CYP7B1: variants seen among roughly 807,000 people sequenced by gnomAD.
CYP7B1 encodes the protein cytochrome P450 7B1.
CYP7B1 carries 29 observed loss-of-function variants against 42.7 expected under a neutral mutation model. The observed-to-expected ratio is 0.68, with a 90% CI of 0.51 to 0.93. The LOEUF (loss-of-function observed/expected upper bound fraction) is 0.93, where lower values mean the gene tolerates loss of function less well. Ranked by LOEUF, CYP7B1 falls within the 40% of genes least tolerant of loss-of-function variation. The pLI, the probability that CYP7B1 is intolerant of heterozygous loss-of-function variation, is 0.00. For synonymous variants in CYP7B1, 235 were observed against 218.2 expected, an observed-to-expected ratio of 1.08 and a Z score of -0.68; for missense variants, 655 against 600.5, an observed-to-expected ratio of 1.09 and a Z score of -0.95.
chr8:64,698,893 A>C (rs1806872150), intron 1 of CYP7B1, among the ~76,000 whole-genome samples: 1 of 152,204 alleles, frequency 6.6e-6, no homozygotes, highest in Non-Finnish European at 1.5e-5. Context: ...ACTCATTAGA[A>C]ATTTAAAGGA....
At chr8:64,699,519 G>A (rs779734190) in intron 1 of CYP7B1, among the ~76,000 whole-genome samples, 1 of 152,144 alleles carries the variant, frequency 6.6e-6, no homozygotes, top group East Asian at 1.9e-4. Context: ...CAAGAGAGAT[G>A]TATGAAGTTA....
intron 1 of CYP7B1, among the ~76,000 whole-genome samples, chr8:64,756,355 T>G (rs7844432): frequency 6.6e-6 from 1 of 152,204 alleles, no homozygotes. Context: ...TAGACAAGCA[T>G]GTCAACATGC....
chr8:64,764,682 GCAACTGCTTTGCTAA>G lies in CYP7B1; in HGVS notation c.122+33769_122+33783del, dbSNP rs563313288. 3.0e-4 allele frequency among the ~76,000 whole-genome samples: 45 copies of G among 152,162 alleles called. No homozygotes were observed. The East Asian group carries it at 7.1e-3, about 24-fold the overall frequency. On this transcript the variant is annotated intron_variant, in intron 1 of 5. Transcript: ENST00000310193. ...GCCCAAATACATTCAAACTGTAGTG[GCAACTGCTTTGCTAA>G]CAGAAGAAAGTAGAAAAATAACCTT...
chr8:64,687,150 C>A (rs1165914598), intron 1 of CYP7B1, among the ~76,000 whole-genome samples: 15 of 149,324 alleles, frequency 1.0e-4, no homozygotes, highest in Non-Finnish European at 3.0e-5. Flanking sequence ...AAAAAAAAAA[C>A]ATTAGGCATA....
chr8:64,752,420 G>A (rs1455225364), intron 1 of CYP7B1, among the ~76,000 whole-genome samples: 1 of 148,596 alleles, frequency 6.7e-6, no homozygotes, highest in African/African-American at 2.5e-5. Flanking sequence ...GTGTGTGTGT[G>A]TATAAATCAA....
At chr8:64,691,893 G>A (rs1806751010) in intron 1 of CYP7B1, among the ~76,000 whole-genome samples, 1 of 152,190 alleles carries the variant, frequency 6.6e-6, no homozygotes, top group African/African-American at 2.4e-5. Context: ...CACAGTTACT[G>A]TGAACACCCA....
intron 4 of CYP7B1, among the ~76,000 whole-genome samples, chr8:64,605,059 T>G (rs924333658): frequency 6.6e-6 from 1 of 152,106 alleles, no homozygotes; most frequent in African/African-American, 2.4e-5. Context: ...CCAGCAAGGC[T>G]TGGGGGCATT....
At chr8:64,688,890 C>A (rs923041986) in intron 1 of CYP7B1, among the ~76,000 whole-genome samples, 3 of 152,162 alleles carry the variant, frequency 2.0e-5, no homozygotes, top group African/African-American at 7.2e-5. Context: ...TGTGCCACTG[C>A]ACTCCAGCCT....
intron 1 of CYP7B1, among the ~76,000 whole-genome samples, chr8:64,667,939 C>T (rs1806306756): frequency 6.6e-6 from 1 of 152,154 alleles, no homozygotes. Context: ...TGGCTTCATC[C>T]TCTGTTGAAA....
At chr8:64,667,296 TGA>T (rs1422671419) in intron 1 of CYP7B1, among the ~76,000 whole-genome samples, 26 of 151,184 alleles carry the variant, frequency 1.7e-4, no homozygotes, top group African/African-American at 6.1e-4. Flanking sequence ...TTTGGCAGAA[TGA>T]CACATTCCCT....
intron 2 of CYP7B1, among the ~76,000 whole-genome samples, chr8:64,618,078 TA>T (rs1309295442): frequency 1.3e-5 from 2 of 150,118 alleles, no homozygotes; most frequent in African/African-American, 4.9e-5. Context: ...TGTGTGTGTG[TA>T]TGTGCTCTGG....
intron 1 of CYP7B1, among the ~76,000 whole-genome samples, chr8:64,719,277 T>C (rs1807203030): frequency 6.6e-6 from 1 of 152,168 alleles, no homozygotes; most frequent in Non-Finnish European, 1.5e-5. Flanking sequence ...TTTCTAAAAT[T>C]TACATCATTA....
intron 1 of CYP7B1, among the ~76,000 whole-genome samples, chr8:64,757,290 T>C (rs1349609992): frequency 1.3e-5 from 2 of 152,224 alleles, no homozygotes; most frequent in Non-Finnish European, 2.9e-5. Context: ...ACTACAGTCA[T>C]GTGGCTAGGA....
rs1278083661 is a variant in CYP7B1, at chr8:64,646,255, AACAGGC to A, written c.123-21722_123-21717del. On this transcript the variant is annotated intron_variant, in intron 1 of 5. Coordinates refer to ENST00000310193, the MANE Select transcript of CYP7B1 (RefSeq NM_004820.5). ...AGCAAAAGAAACTACCATCAGAGTG[AACAGGC>A]AACCCACAAAATGGGAGAAAATTTT... is the stretch of plus-strand genomic sequence containing the variant. Among the ~76,000 whole-genome samples the A allele has an allele frequency of 3.5e-4, 53 of 152,254 alleles. 1 individual carries two copies. Among genetic ancestry groups the A allele is most frequent in the African/African-American group, 1.3e-3 (53 of 41,556 alleles).
chr8:64,692,143 C>G (rs1806755670), intron 1 of CYP7B1, among the ~76,000 whole-genome samples: 1 of 152,232 alleles, frequency 6.6e-6, no homozygotes, highest in African/African-American at 2.4e-5. Context: ...CTGTCGATTG[C>G]TCTGATTCTA....
At chr8:64,662,802 A>G (rs1443675065) in intron 1 of CYP7B1, among the ~76,000 whole-genome samples, 1 of 152,170 alleles carries the variant, frequency 6.6e-6, no homozygotes, top group Admixed American at 6.5e-5. Flanking sequence ...TCTCAGAGGA[A>G]ATTTCCATAG....
intron 5 of CYP7B1, among the ~76,000 whole-genome samples, chr8:64,600,665 T>G (rs928372744): frequency 2.6e-5 from 4 of 152,058 alleles, no homozygotes; most frequent in Non-Finnish European, 5.9e-5. Flanking sequence ...TGTGCACATC[T>G]CTTAGTGACT....
Position 64,620,299 on chromosome 8 carries a change from G to A in CYP7B1, c.260-4018C>T, listed in dbSNP as rs534666600. Among the ~76,000 whole-genome samples, 68 of 152,198 alleles carry A rather than the reference G, an allele frequency of 4.5e-4. No homozygotes were observed. The South Asian group carries it at 7.3e-3, about 16-fold the overall frequency. On this transcript the variant is annotated intron_variant, in intron 2 of 5. Transcript: ENST00000310193. ...TTTTTAATCTCAAGCTGAAAATATC[G>A]GTTGGAAGAGTGAAATATGAGTCAA...
In CYP7B1 at chr8:64,671,879, T is replaced by C. The variant is rs1196367476; in HGVS notation, c.123-47340A>G. Among the ~76,000 whole-genome samples, 3 of 152,202 alleles carry C rather than the reference T, an allele frequency of 2.0e-5. No homozygotes were observed. In the East Asian group the frequency reaches 5.8e-4, roughly 29 times the overall value. On this transcript the variant is annotated intron_variant, in intron 1 of 5. Coordinates refer to ENST00000310193, the MANE Select transcript of CYP7B1 (RefSeq NM_004820.5). ...TTTCCAGGGGAAAACTAAAAATCAC[T>C]TAAATAACATCACTAGTCAAAAGCA... is the stretch of plus-strand genomic sequence containing the variant.
Sources: gnomAD v4.1 joint callset for allele counts (sites outside exome capture counted in the v4.1 genomes callset) on GRCh38, gnomAD v4.1.1 for gene constraint, MANE v1.5 for transcripts, NCBI Gene and HGNC (gene_info 2026-07-23, HGNC 2026-07-21) for gene names.